Variants in GRIK2 observed in about 807,000 individuals in gnomAD.
GRIK2 encodes glutamate receptor ionotropic, kainate 2.
In GRIK2, 32 loss-of-function variants were observed where a neutral mutation model predicts 100.3. The ratio of observed to expected loss-of-function variants is 0.32; its 90% CI spans 0.24 to 0.43. GRIK2 has a LOEUF of 0.43. Ranked by LOEUF, GRIK2 falls within the 20% of genes least tolerant of loss-of-function variation. The pLI is 1.00. For missense variants in GRIK2, 843 were observed against 1,114.9 expected (o/e 0.76, Z 3.47); for synonymous variants, 417 against 389.4 (o/e 1.07, Z -0.83).
chr6:101,905,845 T>C (rs895729788), intron 12 of GRIK2, among the ~76,000 whole-genome samples: 1 of 151,448 alleles, frequency 6.6e-6, no homozygotes, highest in Non-Finnish European at 1.5e-5. Context: ...ATACCTACTC[T>C]TTCAGAAATA....
chr6:101,545,565 AATCTTT>A (rs758438189), intron 2 of GRIK2, among the ~76,000 whole-genome samples: 5 of 152,120 alleles, frequency 3.3e-5, no homozygotes, highest in Admixed American at 2.0e-4. Flanking sequence ...GATTTGTGTA[AATCTTT>A]ATCTTGCGGT....
intron 3 of GRIK2, among the ~76,000 whole-genome samples, chr6:101,623,566 G>A (rs1413971890): frequency 6.6e-6 from 1 of 152,082 alleles, no homozygotes; most frequent in African/African-American, 2.4e-5. Context: ...TAAAATATTA[G>A]TAGATTTCTT....
At chr6:101,507,521 A>C (rs530812827) in intron 2 of GRIK2, among the ~76,000 whole-genome samples, 1 of 152,334 alleles carries the variant, frequency 6.6e-6, no homozygotes, top group African/African-American at 2.4e-5. Context: ...AAATCTTTAA[A>C]GTTAAAAAAG....
At chr6:101,941,961 T>C (rs1459287258) in intron 14 of GRIK2, among the ~76,000 whole-genome samples, 1 of 152,164 alleles carries the variant, frequency 6.6e-6, no homozygotes, top group Non-Finnish European at 1.5e-5. Flanking sequence ...ATTTCAATTT[T>C]TGAAATAAAT....
chr6:101,538,909 T>G (rs1049821040), intron 2 of GRIK2, among the ~76,000 whole-genome samples: 1 of 151,744 alleles, frequency 6.6e-6, no homozygotes, highest in African/African-American at 2.4e-5. Context: ...CAACCAAATT[T>G]TATGTGGTAG....
At chr6:101,845,753 G>A (rs1039328514) in intron 10 of GRIK2, among the ~76,000 whole-genome samples, 2 of 152,048 alleles carry the variant, frequency 1.3e-5, no homozygotes, top group Non-Finnish European at 2.9e-5. Context: ...TTTTATAGCA[G>A]CTGCACAATT....
At chr6:101,862,409 T>C (rs1784782314) in intron 11 of GRIK2, among the ~76,000 whole-genome samples, 1 of 152,122 alleles carries the variant, frequency 6.6e-6, no homozygotes, top group African/African-American at 2.4e-5. Context: ...CCAGCATTTC[T>C]CAAATACATT....
At chr6:101,744,448 A>G (rs1336138796) in intron 7 of GRIK2, 1 of 146,290 alleles carries the variant, frequency 6.8e-6, no homozygotes, top group South Asian at 2.2e-4. Flanking sequence ...GTTGCTATGA[A>G]TGCCATTATT....
intron 16 of GRIK2, among the ~76,000 whole-genome samples, chr6:102,066,882 C>T (rs1238233623): frequency 6.6e-6 from 1 of 151,640 alleles, no homozygotes; most frequent in African/African-American, 2.4e-5. Context: ...ATTAAGGAAA[C>T]TCTTTAAGGA....
At position 101,593,457 on chromosome 6, in the gene GRIK2, A is replaced by G. The variant is rs1190209684; in HGVS notation, c.116-28492A>G. 3.9e-5 allele frequency among the ~76,000 whole-genome samples: 6 copies of G among 151,926 alleles called. No homozygotes were observed. In the East Asian group the frequency reaches 1.2e-3, roughly 29 times the overall value. ...TTTCACTGTTCCTCTGACTCTTTCA[A>G]ACATACCATGAGCTAGGCAGGACAG... On this transcript the variant is annotated intron_variant, in intron 2 of 16. Transcript: ENST00000369134.
At chr6:101,616,617 T>G (rs1265381324) in intron 2 of GRIK2, among the ~76,000 whole-genome samples, 2 of 151,784 alleles carry the variant, frequency 1.3e-5, no homozygotes, top group Non-Finnish European at 3.0e-5. Context: ...GAAGTGAACA[T>G]CCTTGCAGCT....
rs537325197 is a variant in GRIK2 at position 101,987,334 on chromosome 6, G to A, written c.2086-48007G>A. 4.0e-5 allele frequency among the ~76,000 whole-genome samples: 6 copies of A among 151,780 alleles called. No individual in the cohort carries two copies. The East Asian group carries it at 9.7e-4, about 25-fold the overall frequency. ...GAATCATAGCAAATAAATTCTAATA[G>A]TATGCAAACAAAACGAAAACAAAGA... On this transcript the variant is annotated intron_variant, in intron 14 of 16. Coordinates refer to ENST00000369134, the MANE Select transcript of GRIK2 (RefSeq NM_021956.5).
rs1782378069 is a variant in GRIK2 at position 101,827,003 on chromosome 6, ATTAC to A, written c.1317+8523_1317+8526del. 3.3e-5 allele frequency among the ~76,000 whole-genome samples: 5 copies of A among 152,150 alleles called. No individual in the cohort carries two copies. The South Asian group carries it at 1.0e-3, about 32-fold the overall frequency. On this transcript the variant is annotated intron_variant, in intron 10 of 16. Transcript: ENST00000369134. ...TCACTACAATTTCCAGTAAGTAAAT[ATTAC>A]TTTTCAGGGAGAAAGAAGTTATTCT... is the stretch of plus-strand genomic sequence containing the variant.
intron 4 of GRIK2, among the ~76,000 whole-genome samples, chr6:101,659,803 T>C (rs1403087542): frequency 6.6e-6 from 1 of 152,178 alleles, no homozygotes; most frequent in Non-Finnish European, 1.5e-5. Context: ...TGGCCCCCAC[T>C]CTCTTCTGGC....
At chr6:101,744,550 A>ATATATC (rs1776291146) in intron 7 of GRIK2, 1 of 108,984 alleles carries the variant, frequency 9.2e-6, no homozygotes, top group East Asian at 2.8e-4. Flanking sequence ...ATATATATAT[A>ATATATC]TATATATATC....
At chr6:101,996,995 T>G (rs1794685351) in intron 14 of GRIK2, among the ~76,000 whole-genome samples, 1 of 152,164 alleles carries the variant, frequency 6.6e-6, no homozygotes, top group South Asian at 2.1e-4. Context: ...CATCTGTTAT[T>G]TGAGTTGTTA....
At chr6:101,980,757 C>T (rs188649442) in intron 14 of GRIK2, among the ~76,000 whole-genome samples, 2 of 151,546 alleles carry the variant, frequency 1.3e-5, no homozygotes, top group Non-Finnish European at 1.5e-5. Context: ...AGTTATAATG[C>T]CACGTGGAGT....
At chr6:101,943,878 G>A (rs1791108402) in intron 14 of GRIK2, among the ~76,000 whole-genome samples, 1 of 152,158 alleles carries the variant, frequency 6.6e-6, no homozygotes, top group Non-Finnish European at 1.5e-5. Context: ...GGAAAAGCAT[G>A]ATTGCGTTTT....
chr6:101,686,063 A>G (rs763705172), intron 6 of GRIK2, 117 bp from the exon 7 acceptor site: 5 of 634,166 alleles, frequency 7.9e-6, no homozygotes, highest in Non-Finnish European at 1.1e-5. Context: ...GTTTAACGTC[A>G]CTTGACACAA....
Sources: gnomAD v4.1 joint callset for allele counts (sites outside exome capture counted in the v4.1 genomes callset) on GRCh38, gnomAD v4.1.1 for gene constraint, MANE v1.5 for transcripts, NCBI Gene and HGNC (gene_info 2026-07-23, HGNC 2026-07-21) for gene names.